Variants in PKHD1 observed in about 807,000 individuals in gnomAD.
PKHD1 encodes fibrocystin.
A neutral mutation model predicts 412.0 loss-of-function variants in PKHD1; 291 were observed. That is an observed-to-expected ratio of 0.71 (90% CI 0.64 to 0.78). PKHD1 has a LOEUF of 0.78. Ranked by LOEUF, PKHD1 falls within the 30% of genes least tolerant of loss-of-function variation. The pLI, the probability that PKHD1 is intolerant of heterozygous loss-of-function variation, is 0.00. For synonymous variants in PKHD1, 1,777 were observed against 1,821.5 expected, an observed-to-expected ratio of 0.98 and a Z score of 0.62; for missense variants, 4,825 against 4,950.7, an observed-to-expected ratio of 0.97 and a Z score of 0.76.
intron 53 of PKHD1, among the ~76,000 whole-genome samples, chr6:51,780,218 T>A (rs1375571837): frequency 6.6e-6 from 1 of 151,998 alleles, no homozygotes; most frequent in Non-Finnish European, 1.5e-5. Flanking sequence ...AAACCTTGTC[T>A]CTACTAAAAA....
intron 55 of PKHD1, among the ~76,000 whole-genome samples, chr6:51,766,106 A>C (rs1582554419): frequency 1.3e-5 from 2 of 152,306 alleles, no homozygotes; most frequent in South Asian, 4.1e-4. Context: ...GTTTTTACTT[A>C]ATATTATATC....
chr6:51,900,898 CCAAAAAA>C (rs1174584353), intron 43 of PKHD1, among the ~76,000 whole-genome samples: 1 of 152,058 alleles, frequency 6.6e-6, no homozygotes, highest in Admixed American at 6.6e-5. Flanking sequence ...ATTTATGGAG[CCAAAAAA>C]CACATAAAAA....
Position 51,985,663 on chromosome 6 carries a change from AG to A in PKHD1, c.5751+24645del, listed in dbSNP as rs576164675. Among the ~76,000 whole-genome samples, 537 of 152,318 alleles carry A rather than the reference AG, an allele frequency of 3.5e-3. 2 individuals are homozygous for A. The highest frequency in any genetic ancestry group is 0.01 in the Middle Eastern group (3 of 294). Reference sequence around the variant, plus strand: ...AGAATCGCTTGAACCCAGGAGGTGGAGGTTGCAGTGAGCCGAGATCGTGGCA... The same window carrying A: ...AGAATCGCTTGAACCCAGGAGGTGGAGTTGCAGTGAGCCGAGATCGTGGCA... On this transcript the variant is annotated intron_variant, in intron 35 of 66. Transcript: ENST00000371117.
chr6:52,011,514 T>C (rs143747438), intron 34 of PKHD1, among the ~76,000 whole-genome samples: 293 of 152,286 alleles, frequency 1.9e-3, no homozygotes, highest in African/African-American at 6.7e-3. Context: ...CCCAGAGCAG[T>C]GCTCTCAAGT....
intron 27 of PKHD1, among the ~76,000 whole-genome samples, chr6:52,041,943 T>C (rs1804950325): frequency 6.6e-6 from 1 of 152,164 alleles, no homozygotes; most frequent in Non-Finnish European, 1.5e-5. Context: ...CTGAAGAAGG[T>C]ATGTGTGGCC....
chr6:52,038,056 C>A (rs1055436023), intron 27 of PKHD1, among the ~76,000 whole-genome samples: 3 of 152,052 alleles, frequency 2.0e-5, no homozygotes, highest in Non-Finnish European at 2.9e-5. Flanking sequence ...AAAAGATAAG[C>A]CCTAATCCAA....
At chr6:51,903,856 T>C (rs1043765298) in intron 42 of PKHD1, 129 bp from the exon 43 acceptor site, 5 of 420,068 alleles carry the variant, frequency 1.2e-5, no homozygotes, top group South Asian at 1.0e-4. Context: ...TATATATATA[T>C]ATATTTAGAA....
At chr6:51,793,981 C>T (rs554783740) in intron 52 of PKHD1, among the ~76,000 whole-genome samples, 19 of 152,110 alleles carry the variant, frequency 1.2e-4, no homozygotes, top group East Asian at 7.7e-4. Context: ...CTAATTTACA[C>T]TCCTACCAAT....
chr6:51,690,070 G>C (rs1228443390), intron 60 of PKHD1, among the ~76,000 whole-genome samples: 1 of 151,828 alleles, frequency 6.6e-6, no homozygotes, highest in African/African-American at 2.4e-5. Context: ...TCATGAGCTC[G>C]AGACCAGCTT....
chr6:51,927,040 C>T (rs948939459), intron 37 of PKHD1, among the ~76,000 whole-genome samples: 1 of 152,156 alleles, frequency 6.6e-6, no homozygotes, highest in African/African-American at 2.4e-5. Flanking sequence ...AGAACCCCAA[C>T]ACTGAATTAA....
rs150135543 is a variant in PKHD1, at chr6:51,945,920, T to A, written c.5909-11598A>T. ...AATTCACTAGGGTTGTTCTCATAGT[T>A]ACATTTAAGGAAAAACATGTGTGAA... On this transcript the variant is annotated intron_variant, in intron 36 of 66. Coordinates refer to ENST00000371117, the MANE Select transcript of PKHD1 (RefSeq NM_138694.4). Among the ~76,000 whole-genome samples the A allele has an allele frequency of 6.1e-3, 923 of 152,344 alleles. 11 individuals carry two copies. Among genetic ancestry groups the A allele is most frequent in the African/African-American group, 0.021 (875 of 41,578 alleles).
intron 27 of PKHD1, among the ~76,000 whole-genome samples, chr6:52,036,668 T>A (rs1186970331): frequency 6.6e-6 from 1 of 151,872 alleles, no homozygotes; most frequent in African/African-American, 2.4e-5. Flanking sequence ...TGAAGTTAAG[T>A]GCATAACTAA....
At chr6:51,992,667 G>T (rs1032467014) in intron 35 of PKHD1, among the ~76,000 whole-genome samples, 1 of 152,232 alleles carries the variant, frequency 6.6e-6, no homozygotes, top group East Asian at 1.9e-4. Context: ...GGCACTGAAG[G>T]CTTCAATGAG....
chr6:51,626,872 A>G (rs953350071), intron 66 of PKHD1, 125 bp downstream of exon 66: 19 of 947,794 alleles, frequency 2.0e-5, no homozygotes, highest in South Asian at 1.2e-4. Flanking sequence ...TTTGAAGGAA[A>G]GTAACAAAGA....
intron 60 of PKHD1, among the ~76,000 whole-genome samples, chr6:51,661,175 G>A (rs113170537): frequency 1.9e-4 from 29 of 152,084 alleles, no homozygotes; most frequent in East Asian, 1.7e-3. Flanking sequence ...TCAAATATTC[G>A]AACAAAAGAG....
chr6:51,703,386 T>C (rs529533958), intron 60 of PKHD1, among the ~76,000 whole-genome samples: 1 of 152,152 alleles, frequency 6.6e-6, no homozygotes, highest in Admixed American at 6.6e-5. Flanking sequence ...ATATTTTTTT[T>C]ACTAAGTCTA....
At chr6:51,622,439 A>G (rs946945722) in intron 66 of PKHD1, 2 of 152,194 alleles carry the variant, frequency 1.3e-5, no homozygotes, top group Non-Finnish European at 2.9e-5. Context: ...CAGGATCTGA[A>G]GCAGAAGGAT....
chr6:51,729,102 A>C (rs1172759256), intron 60 of PKHD1, among the ~76,000 whole-genome samples: 3 of 152,240 alleles, frequency 2.0e-5, no homozygotes, highest in Non-Finnish European at 4.4e-5. Flanking sequence ...ATATCACCCA[A>C]AAGGGAAGAG....
chr6:51,666,313 T>C (rs1415429085), intron 60 of PKHD1, among the ~76,000 whole-genome samples: 4 of 152,280 alleles, frequency 2.6e-5, no homozygotes, highest in South Asian at 2.1e-4. Flanking sequence ...GTAATACATA[T>C]ACTACCCAGC....
Sources: gnomAD v4.1 joint callset for allele counts (sites outside exome capture counted in the v4.1 genomes callset) on GRCh38, gnomAD v4.1.1 for gene constraint, MANE v1.5 for transcripts, NCBI Gene and HGNC (gene_info 2026-07-23, HGNC 2026-07-21) for gene names.